Variants in RABGAP1L observed in about 807,000 individuals in gnomAD.
The protein encoded by RABGAP1L is rab GTPase-activating protein 1-like.
RABGAP1L carries 63 observed loss-of-function variants against 137.7 expected under a neutral mutation model. That is an observed-to-expected ratio of 0.46 (90% confidence interval 0.37 to 0.56). The LOEUF (loss-of-function observed/expected upper bound fraction) is 0.56, where lower values mean the gene tolerates loss of function less well. RABGAP1L is among the 20% of genes least tolerant of loss of function. RABGAP1L has a pLI of 0.00. For missense variants in RABGAP1L, 1,095 were observed against 1,244.0 expected, an observed-to-expected ratio of 0.88 and a Z score of 1.80; for synonymous variants, 431 against 433.7, an observed-to-expected ratio of 0.99 and a Z score of 0.08.
chr1:174,992,113 A>AT lies in RABGAP1L; in HGVS notation c.*2113dup, dbSNP rs997363136. 2.0e-5 allele frequency: 3 copies of AT among 152,172 alleles called. No homozygotes were observed. The highest frequency in any genetic ancestry group is 4.4e-5 in the Non-Finnish European group (3 of 68,042). The allele number at this position is 152,172 out of a possible 1,614,324, so 9.4% of individuals were successfully genotyped here. ...TTATCTAAAGACCTTGTTCAACTTC[A>AT]TAGTCCCTTTCCTTTTAAAGAGGAG... On this transcript the variant is annotated 3_prime_UTR_variant, in exon 26 of 26. Transcript: ENST00000681986.
intron 1 of RABGAP1L, among the ~76,000 whole-genome samples, chr1:174,187,463 A>G (rs947161332): frequency 5.9e-5 from 9 of 152,132 alleles, no homozygotes; most frequent in Non-Finnish European, 1.2e-4. Flanking sequence ...TTATTTATAT[A>G]TAAAGTGTCA....
intron 13 of RABGAP1L, among the ~76,000 whole-genome samples, chr1:174,597,294 ATTAG>A (rs1338591541): frequency 1.6e-4 from 24 of 152,174 alleles, no homozygotes; most frequent in African/African-American, 5.5e-4. Flanking sequence ...TAGGATTGAT[ATTAG>A]TTCTTCAAAT....
chr1:174,323,483 C>T (rs1456341827), intron 11 of RABGAP1L, among the ~76,000 whole-genome samples: 1 of 152,004 alleles, frequency 6.6e-6, no homozygotes, highest in Non-Finnish European at 1.5e-5. Flanking sequence ...CCAGATGAGA[C>T]ATTCTAGATC....
At chr1:174,743,278 C>G (rs912036866) in intron 17 of RABGAP1L, among the ~76,000 whole-genome samples, 3 of 152,168 alleles carry the variant, frequency 2.0e-5, no homozygotes, top group African/African-American at 7.2e-5. Flanking sequence ...ATCTCATTAT[C>G]TGGATATGGT....
intron 17 of RABGAP1L, among the ~76,000 whole-genome samples, chr1:174,727,005 T>G (rs916008820): frequency 1.4e-4 from 22 of 152,182 alleles, no homozygotes; most frequent in Non-Finnish European, 2.8e-4. Flanking sequence ...TTTGGTTTGT[T>G]TTTTGTGACT....
At chr1:174,254,768 T>C (rs1672981954) in intron 7 of RABGAP1L, among the ~76,000 whole-genome samples, 1 of 152,212 alleles carries the variant, frequency 6.6e-6, no homozygotes, top group Admixed American at 6.5e-5. Flanking sequence ...TCCAAGTCTT[T>C]GCTATTGTGA....
At chr1:174,212,344 G>T (rs1018957814) in intron 1 of RABGAP1L, among the ~76,000 whole-genome samples, 13 of 151,884 alleles carry the variant, frequency 8.6e-5, no homozygotes, top group Admixed American at 2.6e-4. Flanking sequence ...CGTTAAAAAG[G>T]CAATTACTTT....
intron 10 of RABGAP1L, among the ~76,000 whole-genome samples, chr1:174,296,137 G>C (rs1677110140): frequency 6.6e-6 from 1 of 152,186 alleles, no homozygotes; most frequent in Non-Finnish European, 1.5e-5. Flanking sequence ...ATAGTTTCCA[G>C]CAGGAGAGAA....
rs1229002557 is a variant in RABGAP1L at position 174,946,917 on chromosome 1, AATATATAT to A, written c.2341-10523_2341-10516del. ...CTCCATCTCAAAAAAAAAAAAAAAAAATATATATATATATATATATATATGTGTGTGTG... is the reference window on the plus strand; with the variant it reads ...CTCCATCTCAAAAAAAAAAAAAAAAAATATATATATATATATGTGTGTGTG... On this transcript the variant is annotated intron_variant, in intron 19 of 25. Coordinates refer to ENST00000681986, the MANE Select transcript of RABGAP1L (RefSeq NM_001366446.1). 1.7e-4 allele frequency among the ~76,000 whole-genome samples: 10 copies of A among 59,810 alleles called. 1 individual carries two copies. The highest frequency in any genetic ancestry group is 2.2e-4 in the Non-Finnish European group (8 of 37,178). 39.2% of individuals were successfully genotyped at this position (59,810 alleles called of 152,430 possible). A position where few individuals can be genotyped will look rare whatever the true frequency, so the allele number is the denominator to read the frequency against.
chr1:174,628,839 T>A (rs1199234074), intron 13 of RABGAP1L, among the ~76,000 whole-genome samples: 1 of 152,004 alleles, frequency 6.6e-6, no homozygotes, highest in African/African-American at 2.4e-5. Flanking sequence ...CTGGCAGGAC[T>A]TAGGGAGCCC....
At chr1:174,320,580 A>G (rs773591968) in intron 11 of RABGAP1L, among the ~76,000 whole-genome samples, 1 of 152,294 alleles carries the variant, frequency 6.6e-6, no homozygotes. Flanking sequence ...GCAGAAGAAC[A>G]TAAATTGTGA....
chr1:174,942,263 C>T (rs1666015655), intron 19 of RABGAP1L, among the ~76,000 whole-genome samples: 1 of 152,144 alleles, frequency 6.6e-6, no homozygotes, highest in Non-Finnish European at 1.5e-5. Flanking sequence ...TTTCATACTG[C>T]TGTTCGGCCA....
At chr1:174,737,693 T>C (rs2148641456) in intron 17 of RABGAP1L, among the ~76,000 whole-genome samples, 1 of 152,274 alleles carries the variant, frequency 6.6e-6, no homozygotes, top group African/African-American at 2.4e-5. Flanking sequence ...CCTGAGACTT[T>C]GTGTAATTTT....
In RABGAP1L at chr1:174,241,576, C is replaced by G. The variant is rs557596672; in HGVS notation, c.636C>G (p.Ser212Arg). 1.2e-6 allele frequency: 2 copies of G among 1,613,476 alleles called. No homozygotes were observed. Among genetic ancestry groups the G allele is most frequent in the Admixed American group, 1.7e-5 (1 of 59,988 alleles). ...CARGHDGTTESNCFAFTESSH... is the reference protein window; with the variant it reads ...CARGHDGTTERNCFAFTESSH... Reference sequence around the variant, plus strand: ...GTGGACATGACGGAACAACAGAGAGCAATTGCTTTGCATTTACAGAGAGTT... The same window carrying G: ...GTGGACATGACGGAACAACAGAGAGGAATTGCTTTGCATTTACAGAGAGTT... The change falls in exon 5 of 26, where the codon AGC becomes AGG. Residue 212 changes from serine to arginine, a missense_variant. Ser to Arg is a moderately radical substitution (Grantham distance 110). Around this residue, in one of 4 missense-constraint regions of RABGAP1L, gnomAD observed 356 missense variants for 326.3 expected, o/e 1.09. Coordinates refer to ENST00000681986, the MANE Select transcript of RABGAP1L (RefSeq NM_001366446.1).
intron 11 of RABGAP1L, among the ~76,000 whole-genome samples, chr1:174,313,824 G>A (rs1679099463): frequency 6.6e-6 from 1 of 151,974 alleles, no homozygotes; most frequent in African/African-American, 2.4e-5. Flanking sequence ...TGATAGATTT[G>A]AACCATCCCT....
chr1:174,545,651 C>T (rs1257668611), intron 13 of RABGAP1L: 1 of 154,022 alleles, frequency 6.5e-6, no homozygotes, highest in African/African-American at 2.4e-5. Flanking sequence ...GCAGAAATCA[C>T]CTGTCTTCTG....
At chr1:174,856,000 T>C (rs987159170) in intron 19 of RABGAP1L, among the ~76,000 whole-genome samples, 8 of 152,222 alleles carry the variant, frequency 5.3e-5, no homozygotes, top group Non-Finnish European at 1.0e-4. Context: ...TTTTTAGTAT[T>C]TGAAGTTTCT....
chr1:174,391,007 G>A (rs996189355), intron 12 of RABGAP1L, among the ~76,000 whole-genome samples: 5 of 152,136 alleles, frequency 3.3e-5, no homozygotes, highest in African/African-American at 7.2e-5. Context: ...TAATAGAGGA[G>A]AAGCAATCAA....
At chr1:174,298,876 A>G (rs1677384318) in intron 10 of RABGAP1L, among the ~76,000 whole-genome samples, 1 of 152,208 alleles carries the variant, frequency 6.6e-6, no homozygotes, top group African/African-American at 2.4e-5. Context: ...AGACTTGTAC[A>G]TTACCCATCC....
Sources: gnomAD v4.1 joint callset for allele counts (sites outside exome capture counted in the v4.1 genomes callset) on GRCh38, gnomAD v4.1.1 for gene constraint, gnomAD v4.1.1 regional missense constraint, MANE v1.5 for transcripts, NCBI Gene and HGNC (gene_info 2026-07-23, HGNC 2026-07-21) for gene names.